The following FAM168B variants were observed in gnomAD, a reference collection of about 807,000 sequenced individuals.
The protein encoded by FAM168B is family with sequence similarity 168 member B.
A neutral mutation model predicts 21.8 loss-of-function variants in FAM168B; 19 were observed. The ratio of observed to expected loss-of-function variants is 0.87; its 90% CI spans 0.61 to 1.28. The LOEUF is 1.28. Among genes scored for constraint, FAM168B ranks in the 50% most tolerant of loss-of-function variants. FAM168B has a pLI of 0.00. For missense variants in FAM168B, 233 were observed against 263.1 expected (o/e 0.89, Z 0.79); for synonymous variants, 126 against 104.8 (o/e 1.20, Z -1.24).
chr2:131,090,951 T>C (rs1010050575), intron 1 of FAM168B, among the ~76,000 whole-genome samples: 13 of 152,170 alleles, frequency 8.5e-5, no homozygotes, highest in Non-Finnish European at 1.5e-5. Flanking sequence ...AGGATGGTTT[T>C]GATCACCTGA....
At chr2:131,091,516 G>A (rs147871624) in intron 1 of FAM168B, among the ~76,000 whole-genome samples, 2 of 144,266 alleles carry the variant, frequency 1.4e-5, no homozygotes, top group Non-Finnish European at 3.0e-5. Context: ...GCGCAGTGGT[G>A]TGTGCCTGTA....
chr2:131,074,374 T>G (rs1282157394), intron 2 of FAM168B, among the ~76,000 whole-genome samples: 2 of 152,028 alleles, frequency 1.3e-5, no homozygotes, highest in East Asian at 3.9e-4. Flanking sequence ...TAATCCGCCC[T>G]CCTCGGCCTC....
At chr2:131,075,839 A>G (rs1412948308) in intron 2 of FAM168B, among the ~76,000 whole-genome samples, 1 of 152,090 alleles carries the variant, frequency 6.6e-6, no homozygotes, top group Non-Finnish European at 1.5e-5. Flanking sequence ...CAGCAAACAC[A>G]CACGATAGTA....
intron 3 of FAM168B, among the ~76,000 whole-genome samples, chr2:131,068,763 C>T (rs780908425): frequency 1.3e-5 from 2 of 152,166 alleles, no homozygotes; most frequent in Non-Finnish European, 2.9e-5. Flanking sequence ...CGGCTATAAT[C>T]CCAGCACTTT....
intron 1 of FAM168B, among the ~76,000 whole-genome samples, chr2:131,085,042 T>C (rs1391523358): frequency 6.6e-6 from 1 of 152,166 alleles, no homozygotes; most frequent in African/African-American, 2.4e-5. Context: ...CTGACGTATG[T>C]GGTTATAAAG....
intron 3 of FAM168B, among the ~76,000 whole-genome samples, chr2:131,064,263 A>C (rs2105494249): frequency 6.6e-6 from 1 of 152,242 alleles, no homozygotes; most frequent in South Asian, 2.1e-4. Flanking sequence ...ACTGTGTACC[A>C]CGCGGATTTT....
chr2:131,084,830 T>C (rs549731879), intron 1 of FAM168B, among the ~76,000 whole-genome samples: 4 of 151,652 alleles, frequency 2.6e-5, no homozygotes, highest in Non-Finnish European at 4.4e-5. Flanking sequence ...TTAAGTGATC[T>C]TCCCACCTCA....
chr2:131,071,254 T>C (rs546891016), intron 3 of FAM168B, among the ~76,000 whole-genome samples: 7 of 152,112 alleles, frequency 4.6e-5, no homozygotes, highest in East Asian at 3.9e-4. Flanking sequence ...CAGATCAGAG[T>C]GTGCACCACC....
intron 3 of FAM168B, among the ~76,000 whole-genome samples, chr2:131,057,088 G>C (rs562635718): frequency 1.7e-4 from 26 of 152,280 alleles, no homozygotes; most frequent in African/African-American, 6.0e-4. Context: ...CCATGGGTGA[G>C]AGCAGGAGGG....
At position 131,083,845 on chromosome 2, in the gene FAM168B, T is replaced by A. The variant is rs546087505; in HGVS notation, c.-11-1188A>T. Among the ~76,000 whole-genome samples, 125 of 151,794 alleles carry A rather than the reference T, an allele frequency of 8.2e-4. 1 individual carries two copies. The highest frequency in any genetic ancestry group is 1.5e-3 in the Non-Finnish European group (102 of 67,950). On this transcript the variant is annotated intron_variant, in intron 1 of 6. Coordinates refer to ENST00000389915, the MANE Select transcript of FAM168B (RefSeq NM_001009993.4). ...AACAGTGATTGACTCTAGATGGGAGTGGATTTAGTGGTCCTTTTGCAATTT... is the reference window on the plus strand; with the variant it reads ...AACAGTGATTGACTCTAGATGGGAGAGGATTTAGTGGTCCTTTTGCAATTT...
chr2:131,067,344 T>C (rs1418074289), intron 3 of FAM168B, among the ~76,000 whole-genome samples: 2 of 152,088 alleles, frequency 1.3e-5, no homozygotes, highest in Admixed American at 6.6e-5. Flanking sequence ...GGCTAAGAAA[T>C]ACGTGGCATT....
chr2:131,057,873 T>C (rs914198262), intron 3 of FAM168B, among the ~76,000 whole-genome samples: 6 of 152,140 alleles, frequency 3.9e-5, no homozygotes, highest in Non-Finnish European at 7.4e-5. Flanking sequence ...CTCTATTCCC[T>C]AGGCTGGAGT....
At chr2:131,053,145 T>C in intron 5 of FAM168B, 130 bp from the exon 6 acceptor site, 1 of 1,301,854 alleles carries the variant, frequency 7.7e-7, no homozygotes, top group South Asian at 1.9e-5. Flanking sequence ...TTGACCCAGA[T>C]ACTGTCAGAA....
At chr2:131,076,326 C>A (rs1277168311) in intron 2 of FAM168B, among the ~76,000 whole-genome samples, 2 of 150,472 alleles carry the variant, frequency 1.3e-5, no homozygotes, top group Non-Finnish European at 2.9e-5. Context: ...CTCCCTACAT[C>A]AAGGCACCAG....
At position 131,052,359 on chromosome 2, in the gene FAM168B, A is replaced by C. The variant is rs1043941749; in HGVS notation, c.*106T>G. ...TAGTCGTGTTTAGCTAAGTGTCGAG[A>C]GCATTAAGAAGAAAGTCCTGGTTGG... On this transcript the variant is annotated 3_prime_UTR_variant, in exon 7 of 7. Coordinates refer to ENST00000389915, the MANE Select transcript of FAM168B (RefSeq NM_001009993.4). The C allele has an allele frequency of 6.1e-6, 6 of 986,220 alleles. No homozygotes were observed. The highest frequency in any genetic ancestry group is 5.2e-4 in the Middle Eastern group (1 of 1,940). The allele number at this position is 986,220 out of a possible 1,614,324, so 61.1% of individuals were successfully genotyped here.
At position 131,051,275 on chromosome 2, in the gene FAM168B, A is replaced by T; in HGVS notation, c.*1190T>A. 1.0e-6 allele frequency: 1 copy of T among 985,374 alleles called. No homozygotes were observed. Among genetic ancestry groups the T allele is most frequent in the Non-Finnish European group, 1.2e-6 (1 of 829,940 alleles). The allele number at this position is 985,374 out of a possible 1,614,324, so 61.0% of individuals were successfully genotyped here. ...CCATCAGGTGGGTGATCCCAGAAGC[A>T]GCTACAGGTTTCTACATTTCCAGAC... On this transcript the variant is annotated 3_prime_UTR_variant, in exon 7 of 7. Coordinates refer to ENST00000389915, the MANE Select transcript of FAM168B (RefSeq NM_001009993.4).
chr2:131,090,798 G>A (rs918055348), intron 1 of FAM168B, among the ~76,000 whole-genome samples: 3 of 152,044 alleles, frequency 2.0e-5, no homozygotes, highest in Non-Finnish European at 4.4e-5. Context: ...GCACAATCTC[G>A]GCTCACTGCA....
In FAM168B at chr2:131,050,983, ATT is replaced by A; in HGVS notation, c.*1480_*1481del. 2.0e-6 allele frequency: 2 copies of A among 985,412 alleles called. No homozygotes were observed. Among genetic ancestry groups the A allele is most frequent in the Non-Finnish European group, 2.4e-6 (2 of 829,946 alleles). 61.0% of individuals were successfully genotyped at this position (985,412 alleles called of 1,614,324 possible). On this transcript the variant is annotated 3_prime_UTR_variant, in exon 7 of 7. Coordinates refer to ENST00000389915, the MANE Select transcript of FAM168B (RefSeq NM_001009993.4). Reference sequence around the variant, plus strand: ...ACTCTCATGGATACAGGACGGGCATATTTTGGGGGCGGGGTGGAGGGAAGCCT... The same window carrying A: ...ACTCTCATGGATACAGGACGGGCATATTGGGGGCGGGGTGGAGGGAAGCCT...
chr2:131,049,867 G>T lies in FAM168B; in HGVS notation c.*2598C>A. On this transcript the variant is annotated 3_prime_UTR_variant, in exon 7 of 7. Coordinates refer to ENST00000389915, the MANE Select transcript of FAM168B (RefSeq NM_001009993.4). ...TTGACCCAAGTTCTATTTCTTAATT[G>T]ACTTTAATTTTACTAGAAGCGAATG... is the stretch of plus-strand genomic sequence containing the variant. The T allele has an allele frequency of 1.0e-6, 1 of 985,744 alleles. No individual in the cohort carries two copies. Among genetic ancestry groups the T allele is most frequent in the Non-Finnish European group, 1.2e-6 (1 of 829,930 alleles). 61.1% of individuals were successfully genotyped at this position (985,744 alleles called of 1,614,324 possible).
Sources: gnomAD v4.1 joint callset for allele counts (sites outside exome capture counted in the v4.1 genomes callset) on GRCh38, gnomAD v4.1.1 for gene constraint, MANE v1.5 for transcripts, NCBI Gene and HGNC (gene_info 2026-07-23, HGNC 2026-07-21) for gene names.